PRCP: variants seen among roughly 807,000 people sequenced by gnomAD.
The protein encoded by PRCP is lysosomal Pro-X carboxypeptidase.
In PRCP, 46 loss-of-function variants were observed where a neutral mutation model predicts 54.2. That is an observed-to-expected ratio of 0.85 (90% CI 0.67 to 1.09). The LOEUF (loss-of-function observed/expected upper bound fraction) is 1.09, where lower values mean the gene tolerates loss of function less well. PRCP is among the 50% of genes least tolerant of loss of function. PRCP has a pLI of 0.00. For missense variants in PRCP, 613 were observed against 596.8 expected, an observed-to-expected ratio of 1.03 and a Z score of -0.28; for synonymous variants, 240 against 212.2, an observed-to-expected ratio of 1.13 and a Z score of -1.14.
At position 82,825,125 on chromosome 11, in the gene PRCP, G is replaced by A. The variant is rs1177111386; in HGVS notation, c.1275-3C>T. 1.2e-6 allele frequency: 2 copies of A among 1,609,342 alleles called. No individual in the cohort carries two copies. Among genetic ancestry groups the A allele is most frequent in the Non-Finnish European group, 8.5e-7 (1 of 1,177,702 alleles). The stretch of plus-strand genomic sequence containing the variant: ...ACCAGGGGTCTAGTTCACCATTGCT[G>A]CAAGTGAAAAAAAGAAGAAAAAATA... On this transcript the variant is annotated splice_region_variant and splice_polypyrimidine_tract_variant and intron_variant, in intron 8 of 8. Transcript: ENST00000313010.
chr11:82,893,902 A>C (rs1319875167), intron 1 of PRCP, among the ~76,000 whole-genome samples: 1 of 152,282 alleles, frequency 6.6e-6, no homozygotes, highest in East Asian at 1.9e-4. Context: ...TTAAGTACTT[A>C]GGATAATATT....
In PRCP at chr11:82,849,079, A is replaced by G. The variant is rs753166082; in HGVS notation, c.891T>C (p.Phe297=). The part of the protein sequence containing the change: ...AMVDYPYASN[F]LQPLPAWPIK... The stretch of plus-strand genomic sequence containing the variant: ...TAGGCCAAGCAGGCAAAGGCTGTAA[A>G]AAGTTAGAGGCATAAGGATAGTCCA... The change falls in exon 6 of 9, where the codon TTT becomes TTC. Residue 297 remains phenylalanine (F), a synonymous_variant. Coordinates refer to ENST00000313010, the MANE Select transcript of PRCP (RefSeq NM_005040.4). 6.2e-7 allele frequency: 1 copy of G among 1,613,950 alleles called. No homozygotes were observed.
intron 8 of PRCP, among the ~76,000 whole-genome samples, chr11:82,835,022 C>T (rs910580170): frequency 2.6e-5 from 4 of 152,170 alleles, no homozygotes; most frequent in Admixed American, 2.0e-4. Context: ...CAAGATCATG[C>T]CATTGCACTT....
intron 1 of PRCP, among the ~76,000 whole-genome samples, chr11:82,891,145 T>C (rs752053669): frequency 1.3e-5 from 2 of 152,156 alleles, no homozygotes; most frequent in Non-Finnish European, 2.9e-5. Flanking sequence ...CCAAACCTAC[T>C]CCTTCTGCAG....
chr11:82,845,285 T>C (rs1218417057), intron 6 of PRCP, among the ~76,000 whole-genome samples: 1 of 152,168 alleles, frequency 6.6e-6, no homozygotes, highest in East Asian at 1.9e-4. Context: ...TAATGATTTG[T>C]TTAAAAGTTT....
At chr11:82,881,481 C>T (rs895879471) in intron 1 of PRCP, among the ~76,000 whole-genome samples, 9 of 151,924 alleles carry the variant, frequency 5.9e-5, no homozygotes, top group African/African-American at 1.5e-4. Flanking sequence ...GCTGAGTCAG[C>T]GGGGAAGGTT....
At chr11:82,853,933 T>C (rs2155097) in intron 2 of PRCP, among the ~76,000 whole-genome samples, 17,762 of 152,026 alleles carry the variant, frequency 0.12, 1,992 homozygotes, top group African/African-American at 0.3. Context: ...ATGCAGAAAA[T>C]GTATTCGACA....
chr11:82,834,764 G>A (rs1171143902), intron 8 of PRCP, among the ~76,000 whole-genome samples: 9 of 152,178 alleles, frequency 5.9e-5, no homozygotes, highest in Non-Finnish European at 1.2e-4. Context: ...TGGAGTAGGG[G>A]GAAAGAGAGC....
In PRCP at chr11:82,872,003, T is replaced by C. The variant is rs561471487; in HGVS notation, c.169-11886A>G. ...CCCATGGTCAACCATGGTCAGAAAA[T>C]AGGTGAGTACAGTACAACAAGATAT... On this transcript the variant is annotated intron_variant, in intron 1 of 8. Coordinates refer to ENST00000313010, the MANE Select transcript of PRCP (RefSeq NM_005040.4). Among the ~76,000 whole-genome samples, 16 of 152,328 alleles carry C rather than the reference T, an allele frequency of 1.1e-4. No homozygotes were observed. In the South Asian group the frequency reaches 3.3e-3, roughly 32 times the overall value.
At position 82,876,667 on chromosome 11, in the gene PRCP, G is replaced by A. The variant is rs368184809; in HGVS notation, c.169-16550C>T. 1.2e-4 allele frequency among the ~76,000 whole-genome samples: 18 copies of A among 152,174 alleles called. 1 individual carries two copies. Among genetic ancestry groups the A allele is most frequent in the Admixed American group, 6.5e-4 (10 of 15,286 alleles). On this transcript the variant is annotated intron_variant, in intron 1 of 8. Transcript: ENST00000313010. ...TGCTTCTTCCTCATTTTCTCTTGCC[G>A]CCACCATGTAAGAAGCGCCTTTCAC...
chr11:82,884,136 T>C (rs1379344122), intron 1 of PRCP, among the ~76,000 whole-genome samples: 1 of 152,244 alleles, frequency 6.6e-6, no homozygotes, highest in Non-Finnish European at 1.5e-5. Context: ...TAACAAGTAC[T>C]TCCTTACTTT....
intron 8 of PRCP, chr11:82,829,987 T>A (rs1858337259): frequency 6.6e-6 from 1 of 152,204 alleles, no homozygotes; most frequent in African/African-American, 2.4e-5. Flanking sequence ...ATTCAGTAGA[T>A]CTACGTTGTA....
intron 1 of PRCP, among the ~76,000 whole-genome samples, chr11:82,875,344 C>T (rs112064438): frequency 0.013 from 2,031 of 152,288 alleles, 38 homozygotes; most frequent in African/African-American, 0.046. Flanking sequence ...AGTGACCTCA[C>T]CCGAACTTAG....
intron 1 of PRCP, among the ~76,000 whole-genome samples, chr11:82,886,569 C>T (rs1472202475): frequency 6.6e-6 from 1 of 152,176 alleles, no homozygotes; most frequent in Non-Finnish European, 1.5e-5. Flanking sequence ...CAGGTGTGAA[C>T]CAACATGTTT....
chr11:82,882,485 G>A (rs1243204693), intron 1 of PRCP, among the ~76,000 whole-genome samples: 3 of 150,694 alleles, frequency 2.0e-5, no homozygotes, highest in South Asian at 2.1e-4. Flanking sequence ...AGCTGATACT[G>A]AGCCAGTTCT....
intron 3 of PRCP, among the ~76,000 whole-genome samples, chr11:82,851,341 T>C: frequency 6.6e-6 from 1 of 151,842 alleles, no homozygotes; most frequent in East Asian, 1.9e-4. Flanking sequence ...CTACCAAGGT[T>C]AGGTCATTAA....
At chr11:82,827,541 T>C (rs189481701) in intron 8 of PRCP, 2 of 152,304 alleles carry the variant, frequency 1.3e-5, no homozygotes, top group Non-Finnish European at 2.9e-5. Flanking sequence ...TGAATTGTCT[T>C]GCCACTTTTG....
At chr11:82,877,524 T>G (rs1337586138) in intron 1 of PRCP, among the ~76,000 whole-genome samples, 2 of 152,184 alleles carry the variant, frequency 1.3e-5, no homozygotes, top group Non-Finnish European at 2.9e-5. Context: ...GGGTGCCCTG[T>G]GTCCTAGCCA....
chr11:82,875,780 G>C (rs2121223470), intron 1 of PRCP, among the ~76,000 whole-genome samples: 1 of 152,282 alleles, frequency 6.6e-6, no homozygotes, highest in Middle Eastern at 3.4e-3. Context: ...CAACTAACCA[G>C]TGGTACACAA....
Sources: gnomAD v4.1 joint callset for allele counts (sites outside exome capture counted in the v4.1 genomes callset) on GRCh38, gnomAD v4.1.1 for gene constraint, MANE v1.5 for transcripts, NCBI Gene and HGNC (gene_info 2026-07-23, HGNC 2026-07-21) for gene names.